Variants in CPQ observed in about 807,000 individuals in gnomAD.
The protein encoded by CPQ is carboxypeptidase Q.
Under a neutral mutation model 45.7 loss-of-function variants are expected in CPQ, and 37 were observed. The ratio of observed to expected loss-of-function variants is 0.81; its 90% CI spans 0.62 to 1.07. The LOEUF is 1.07. Ranked by LOEUF, CPQ falls within the 50% of genes least tolerant of loss-of-function variation. CPQ has a pLI of 0.00. For synonymous variants in CPQ, 186 were observed against 205.8 expected, an observed-to-expected ratio of 0.90 and a Z score of 0.82; for missense variants, 537 against 572.9, an observed-to-expected ratio of 0.94 and a Z score of 0.64.
At chr8:96,820,739 A>T (rs1586413685) in intron 2 of CPQ, among the ~76,000 whole-genome samples, 1 of 152,018 alleles carries the variant, frequency 6.6e-6, no homozygotes, top group South Asian at 2.1e-4. Flanking sequence ...TTGATTCCGT[A>T]TTTTCACTAT....
At chr8:96,945,930 T>A (rs1216376612) in intron 4 of CPQ, among the ~76,000 whole-genome samples, 27 of 152,196 alleles carry the variant, frequency 1.8e-4, no homozygotes, top group Admixed American at 1.7e-3. Flanking sequence ...TGTAGTCAGC[T>A]CAAGTGACTT....
In CPQ at chr8:97,029,449, A is replaced by G; in HGVS notation, c.1008A>G (p.Glu336=). ...RTLRLVLWTA[E]EQGGVGAFQY... is the part of the protein sequence containing the mutation. ...TGCGGCTGGTGCTCTGGACTGCAGAAGAACAAGGTGGAGTTGGTGCCTTCC... is the reference window on the plus strand; with the variant it reads ...TGCGGCTGGTGCTCTGGACTGCAGAGGAACAAGGTGGAGTTGGTGCCTTCC... The change falls in exon 6 of 8, where the codon GAA becomes GAG. Residue 336 remains glutamate (E), a synonymous_variant. Coordinates refer to ENST00000220763, the MANE Select transcript of CPQ (RefSeq NM_016134.4). 6.2e-7 allele frequency: 1 copy of G among 1,610,006 alleles called. No individual in the cohort carries two copies. Among genetic ancestry groups the G allele is most frequent in the South Asian group, 1.1e-5 (1 of 90,162 alleles).
Position 97,105,185 on chromosome 8 carries a change from A to C in CPQ, c.1256-37835A>C, listed in dbSNP as rs553191946. Among the ~76,000 whole-genome samples the C allele has an allele frequency of 3.9e-5, 6 of 152,264 alleles. No individual in the cohort carries two copies. The East Asian group carries it at 1.2e-3, about 29-fold the overall frequency. ...CGTGGTATCACACAGCACATGCTGA[A>C]GTTTGGGGATTTTTTTAGATTATAG... On this transcript the variant is annotated intron_variant, in intron 7 of 7. Transcript: ENST00000220763.
At chr8:96,960,792 A>C (rs1813447182) in intron 4 of CPQ, among the ~76,000 whole-genome samples, 1 of 151,882 alleles carries the variant, frequency 6.6e-6, no homozygotes, top group Non-Finnish European at 1.5e-5. Flanking sequence ...ATAGAATCAT[A>C]ATCTTCTACT....
chr8:96,698,035 A>C (rs1173765429), intron 1 of CPQ, among the ~76,000 whole-genome samples: 2 of 152,146 alleles, frequency 1.3e-5, no homozygotes, highest in Non-Finnish European at 2.9e-5. Context: ...CTAAAGGCCC[A>C]GAATAGCCAA....
chr8:96,970,852 C>T (rs1343854307), intron 5 of CPQ, among the ~76,000 whole-genome samples: 6 of 152,154 alleles, frequency 3.9e-5, no homozygotes, highest in South Asian at 2.1e-4. Flanking sequence ...CGTGAGCCAC[C>T]GCGCCCGGCC....
At chr8:97,138,920 GA>G (rs1259099541) in intron 7 of CPQ, among the ~76,000 whole-genome samples, 1 of 150,198 alleles carries the variant, frequency 6.7e-6, no homozygotes, top group Non-Finnish European at 1.5e-5. Context: ...TGAGAGAAGG[GA>G]AAAAAATCAA....
intron 1 of CPQ, among the ~76,000 whole-genome samples, chr8:96,777,089 A>G (rs963070464): frequency 6.6e-6 from 1 of 152,070 alleles, no homozygotes; most frequent in Admixed American, 6.6e-5. Context: ...GTTTATTAGT[A>G]TTTCAGGGAT....
At chr8:96,945,145 A>T (rs1057234401) in intron 4 of CPQ, among the ~76,000 whole-genome samples, 3 of 152,148 alleles carry the variant, frequency 2.0e-5, no homozygotes, top group African/African-American at 7.2e-5. Context: ...GCTCTAAGGA[A>T]CCAGGGATTG....
intron 1 of CPQ, among the ~76,000 whole-genome samples, chr8:96,678,650 A>G (rs1029141297): frequency 6.6e-6 from 1 of 151,504 alleles, no homozygotes; most frequent in South Asian, 2.1e-4. Flanking sequence ...TTCCTTCATG[A>G]TTAGTGATGC....
chr8:96,839,350 T>A (rs4145698), intron 3 of CPQ, among the ~76,000 whole-genome samples: 85,374 of 151,836 alleles, frequency 0.56, 25,534 homozygotes, highest in East Asian at 0.88. Flanking sequence ...GTTCTTGGGC[T>A]CAACTTTACT....
At chr8:96,846,811 C>T (rs1370888153) in intron 3 of CPQ, among the ~76,000 whole-genome samples, 1 of 152,118 alleles carries the variant, frequency 6.6e-6, no homozygotes, top group Non-Finnish European at 1.5e-5. Flanking sequence ...TGTTGTTGAT[C>T]TTTTCTTTCT....
chr8:96,910,627 C>T (rs1427624785), intron 4 of CPQ, among the ~76,000 whole-genome samples: 1 of 152,110 alleles, frequency 6.6e-6, no homozygotes, highest in African/African-American at 2.4e-5. Flanking sequence ...GCCTCAGCCT[C>T]CTGAGTAGCT....
At chr8:96,875,719 A>G (rs988846431) in intron 3 of CPQ, among the ~76,000 whole-genome samples, 1 of 151,928 alleles carries the variant, frequency 6.6e-6, no homozygotes, top group African/African-American at 2.4e-5. Flanking sequence ...GTTTTTAAAT[A>G]TGGAAGTATG....
intron 1 of CPQ, among the ~76,000 whole-genome samples, chr8:96,654,983 G>A (rs945271460): frequency 6.7e-6 from 1 of 149,646 alleles, no homozygotes; most frequent in Non-Finnish European, 1.5e-5. Flanking sequence ...TTAAAACCCT[G>A]TTTAGGCAGG....
chr8:96,801,948 A>T (rs1183790655), intron 2 of CPQ, among the ~76,000 whole-genome samples: 1 of 152,216 alleles, frequency 6.6e-6, no homozygotes, highest in Non-Finnish European at 1.5e-5. Flanking sequence ...TATTGAGCTT[A>T]ATCAAGTAGA....
At chr8:97,003,564 C>T (rs1586489439) in intron 5 of CPQ, among the ~76,000 whole-genome samples, 1 of 152,186 alleles carries the variant, frequency 6.6e-6, no homozygotes, top group Non-Finnish European at 1.5e-5. Context: ...TAGATTTGCA[C>T]TGTGAGGTTA....
chr8:96,694,081 A>T (rs765104546), intron 1 of CPQ, among the ~76,000 whole-genome samples: 1 of 152,180 alleles, frequency 6.6e-6, no homozygotes, highest in East Asian at 1.9e-4. Flanking sequence ...TGCAAGCCTC[A>T]TGGTAACCTC....
chr8:96,852,396 G>A lies in CPQ; in HGVS notation c.641+17216G>A, dbSNP rs534363200. 2.0e-5 allele frequency among the ~76,000 whole-genome samples: 3 copies of A among 152,138 alleles called. 1 individual carries two copies. In the South Asian group the frequency reaches 6.2e-4, roughly 32 times the overall value. ...GTAGTTTGTACTATTTTCATTTTTC[G>A]TGTGTTCAATCGTATTTCTCTCAGC... On this transcript the variant is annotated intron_variant, in intron 3 of 7. Coordinates refer to ENST00000220763, the MANE Select transcript of CPQ (RefSeq NM_016134.4).
Sources: gnomAD v4.1 joint callset for allele counts (sites outside exome capture counted in the v4.1 genomes callset) on GRCh38, gnomAD v4.1.1 for gene constraint, MANE v1.5 for transcripts, NCBI Gene and HGNC (gene_info 2026-07-23, HGNC 2026-07-21) for gene names.